The following SOX5 variants were observed in gnomAD, a reference collection of about 807,000 sequenced individuals.
The protein encoded by SOX5 is transcription factor SOX-5.
In SOX5, 9 loss-of-function variants were observed where a neutral mutation model predicts 92.0. That is an observed-to-expected ratio of 0.10 (90% confidence interval 0.06 to 0.17). The LOEUF (loss-of-function observed/expected upper bound fraction) is 0.17. SOX5 is among the 10% of genes least tolerant of loss of function. The pLI is 1.00. For synonymous variants in SOX5, 344 were observed against 336.3 expected, an observed-to-expected ratio of 1.02 and a Z score of -0.25; for missense variants, 642 against 944.5, an observed-to-expected ratio of 0.68 and a Z score of 4.20.
chr12:24,279,625 A>C (rs1565815048), intron 2 of SOX5, among the ~76,000 whole-genome samples: 2 of 152,098 alleles, frequency 1.3e-5, no homozygotes, highest in Admixed American at 6.6e-5. Flanking sequence ...TTAAAAAAAA[A>C]CTCAGCTCAA....
chr12:24,464,409 G>A (rs1247523328), intron 1 of SOX5, among the ~76,000 whole-genome samples: 3 of 150,654 alleles, frequency 2.0e-5, no homozygotes, highest in East Asian at 2.0e-4. Context: ...TGCAAGCTCC[G>A]CCTCCAGGGT....
At chr12:24,221,281 C>T (rs956506260) in intron 3 of SOX5, among the ~76,000 whole-genome samples, 2 of 149,794 alleles carry the variant, frequency 1.3e-5, no homozygotes, top group Non-Finnish European at 2.9e-5. Context: ...CTATCCATCA[C>T]TCCTCCTTCT....
intron 4 of SOX5, among the ~76,000 whole-genome samples, chr12:24,189,421 T>C (rs1041012083): frequency 1.3e-5 from 2 of 152,210 alleles, no homozygotes; most frequent in Admixed American, 6.5e-5. Flanking sequence ...TGGGGTACTG[T>C]TGATAGGTGA....
At chr12:24,208,332 C>T (rs1958236594) in intron 4 of SOX5, among the ~76,000 whole-genome samples, 1 of 152,180 alleles carries the variant, frequency 6.6e-6, no homozygotes, top group African/African-American at 2.4e-5. Flanking sequence ...TAATGACTCC[C>T]CAAGTCCTGT....
chr12:24,296,305 T>A (rs1947239295), intron 2 of SOX5, among the ~76,000 whole-genome samples: 1 of 152,220 alleles, frequency 6.6e-6, no homozygotes, highest in Admixed American at 6.5e-5. Flanking sequence ...TAGAAAAAGG[T>A]AACTGTTTCC....
chr12:24,199,886 A>T (rs1006422679), intron 4 of SOX5, among the ~76,000 whole-genome samples: 1 of 152,214 alleles, frequency 6.6e-6, no homozygotes, highest in African/African-American at 2.4e-5. Flanking sequence ...GTGTGCATAC[A>T]TTTATTCTGA....
At chr12:24,433,333 A>C (rs572869653) in intron 1 of SOX5, among the ~76,000 whole-genome samples, 1 of 152,242 alleles carries the variant, frequency 6.6e-6, no homozygotes, top group Non-Finnish European at 1.5e-5. Flanking sequence ...GGGACTGAAG[A>C]AAAAGTAATC....
At chr12:24,391,146 G>A (rs1958950812) in intron 1 of SOX5, among the ~76,000 whole-genome samples, 1 of 151,866 alleles carries the variant, frequency 6.6e-6, no homozygotes, top group African/African-American at 2.4e-5. Context: ...ATCTCACTGT[G>A]GTTTTAATTT....
intron 2 of SOX5, among the ~76,000 whole-genome samples, chr12:24,349,395 A>G (rs1161666819): frequency 1.3e-5 from 2 of 152,128 alleles, no homozygotes; most frequent in Non-Finnish European, 2.9e-5. Context: ...ATCCTTCAAA[A>G]CTGAAGGTCT....
intron 3 of SOX5, among the ~76,000 whole-genome samples, chr12:24,265,370 C>T (rs757798507): frequency 5.3e-5 from 8 of 152,132 alleles, no homozygotes; most frequent in Middle Eastern, 6.8e-3. Flanking sequence ...GGCAACACTC[C>T]GTCTCTACAA....
chr12:23,554,972 A>G (rs189784739), intron 11 of SOX5, among the ~76,000 whole-genome samples: 153 of 152,232 alleles, frequency 1.0e-3, no homozygotes, highest in Non-Finnish European at 1.7e-3. Context: ...ATCAAGGGGG[A>G]AAAGAAAGAC....
intron 3 of SOX5, among the ~76,000 whole-genome samples, chr12:23,756,515 T>C (rs1374577178): frequency 6.6e-6 from 1 of 151,876 alleles, no homozygotes; most frequent in Non-Finnish European, 1.5e-5. Flanking sequence ...CAATAAAAAC[T>C]CCCAAACATT....
At chr12:23,922,183 C>G (rs1026085599) in intron 1 of SOX5, among the ~76,000 whole-genome samples, 3 of 152,172 alleles carry the variant, frequency 2.0e-5, no homozygotes, top group African/African-American at 7.2e-5. Flanking sequence ...GGTACACCTC[C>G]TTCTGAATCC....
chr12:24,537,635 C>G (rs1363303474), intron 1 of SOX5, among the ~76,000 whole-genome samples: 5 of 152,218 alleles, frequency 3.3e-5, no homozygotes, highest in Non-Finnish European at 5.9e-5. Flanking sequence ...CTTAGGTTAT[C>G]TAGCTATCAT....
intron 4 of SOX5, among the ~76,000 whole-genome samples, chr12:24,093,922 A>G (rs1216407518): frequency 6.6e-6 from 1 of 151,974 alleles, no homozygotes; most frequent in Non-Finnish European, 1.5e-5. Context: ...CAATCTGATG[A>G]GTTTGAAATT....
At chr12:24,303,691 A>T (rs1488404781) in intron 2 of SOX5, among the ~76,000 whole-genome samples, 5 of 152,180 alleles carry the variant, frequency 3.3e-5, no homozygotes. Context: ...AACACATCAC[A>T]TGAGTAAATG....
intron 1 of SOX5, among the ~76,000 whole-genome samples, chr12:24,547,836 C>T (rs763769255): frequency 6.6e-6 from 1 of 152,186 alleles, no homozygotes; most frequent in Non-Finnish European, 1.5e-5. Flanking sequence ...GAAGTTCTCA[C>T]AGACAAGTAT....
intron 1 of SOX5, among the ~76,000 whole-genome samples, chr12:23,908,481 C>T (rs955684998): frequency 2.0e-5 from 3 of 151,968 alleles, no homozygotes; most frequent in African/African-American, 4.8e-5. Flanking sequence ...ATGCCCCATA[C>T]AGACTTGGTT....
At chr12:23,816,315 T>C (rs1170773442) in intron 3 of SOX5, among the ~76,000 whole-genome samples, 2 of 151,842 alleles carry the variant, frequency 1.3e-5, no homozygotes, top group African/African-American at 4.8e-5. Flanking sequence ...GTTCAAGCGA[T>C]TCTCCTGCCT....
Sources: allele counts gnomAD v4.1 joint callset (sites outside exome capture counted in the v4.1 genomes callset), GRCh38; gene constraint gnomAD v4.1.1; transcripts MANE v1.5; gene names NCBI Gene and HGNC (gene_info 2026-07-23, HGNC 2026-07-21).